ATP6V1B1: variants seen among roughly 807,000 people sequenced by gnomAD.
ATP6V1B1 encodes ATPase H+ transporting V1 subunit B1, also known as V-type proton ATPase subunit B, kidney isoform.
Under a neutral mutation model 62.1 loss-of-function variants are expected in ATP6V1B1, and 41 were observed. The ratio of observed to expected loss-of-function variants is 0.66; its 90% confidence interval spans 0.51 to 0.86. The LOEUF is 0.86. Among genes scored for constraint, ATP6V1B1 ranks in the 40% least tolerant of loss-of-function variants. The probability of loss-of-function intolerance (pLI) is 0.00; values close to 1 mark genes in which losing one functional copy is unlikely to be tolerated. For missense variants in ATP6V1B1, 651 were observed against 697.5 expected, an observed-to-expected ratio of 0.93 and a Z score of 0.75; for synonymous variants, 253 against 273.4, an observed-to-expected ratio of 0.93 and a Z score of 0.74.
chr2:70,944,083 G>A, intron 2 of ATP6V1B1: 1 of 1,292,844 alleles, frequency 7.7e-7, no homozygotes, highest in Non-Finnish European at 1.0e-6. Context: ...CTCCTCGAGG[G>A]CTAGACTCTC....
At position 70,964,088 on chromosome 2, in the gene ATP6V1B1, G is replaced by A. The variant is rs567805926; in HGVS notation, c.1144-350G>A. ...TGTGTAGGTTAAAGGTGACCTCTAT[G>A]ACGTTTTTCTCTTTGCTTGGCAGGT... On this transcript the variant is annotated intron_variant, in intron 11 of 13. Coordinates refer to ENST00000234396, the MANE Select transcript of ATP6V1B1 (RefSeq NM_001692.4). 316 of 299,822 alleles carry A rather than the reference G, an allele frequency of 1.1e-3. 1 individual carries two copies. Among genetic ancestry groups the A allele is most frequent in the Admixed American group, 1.6e-3 (27 of 17,114 alleles). 18.6% of individuals were successfully genotyped at this position (299,822 alleles called of 1,614,324 possible). A position where few individuals can be genotyped will look rare whatever the true frequency, so the allele number is the denominator to read the frequency against.
In ATP6V1B1 at chr2:70,963,653, A is replaced by T; in HGVS notation, c.1142A>T (p.Gln381Leu). The T allele has an allele frequency of 6.2e-7, 1 of 1,613,820 alleles. No individual in the cohort carries two copies. The highest frequency in any genetic ancestry group is 8.5e-7 in the Non-Finnish European group (1 of 1,179,680). The change falls in exon 11 of 14, where the codon CAG becomes CTG. Residue 381 changes from glutamine (Q) to leucine (L), a missense_variant and splice_region_variant. By Grantham distance (113) the Gln-to-Leu change is moderately radical. Coordinates refer to ENST00000234396, the MANE Select transcript of ATP6V1B1 (RefSeq NM_001692.4). The surrounding 1 kb of genome is among the most constrained non-coding windows in gnomAD (Gnocchi z 4.3). The part of the protein sequence containing the change: ...IYVDRQLHNR[Q>L]IYPPINVLPS... ...GTGGACAGACAGCTTCACAACAGAC[A>T]GGTACTGCCCTGTCCCTACCCACTT...
Position 70,959,096 on chromosome 2 carries a change from G to GA in ATP6V1B1, c.445+1_445+2insA. 1 of 1,614,126 alleles carries GA rather than the reference G, an allele frequency of 6.2e-7. No individual in the cohort carries two copies. The highest frequency in any genetic ancestry group is 8.5e-7 in the Non-Finnish European group (1 of 1,180,012). On this transcript the variant is annotated splice_donor_variant, in intron 5 of 13. Transcript: ENST00000234396. LOFTEE classifies it high-confidence loss of function. This position sits in a 1 kb window ranked among gnomAD's most constrained non-coding sequence, Gnocchi z 4.2. ...GCGGAGGACTTTCTGGATATCAATG[G>GA]TGAGTGACTGGAGGTTCTGGATGGC...
At chr2:70,941,691 T>C in intron 1 of ATP6V1B1, 2 of 972,956 alleles carry the variant, frequency 2.1e-6, no homozygotes, top group Non-Finnish European at 2.4e-6. Context: ...ATCCATGCAG[T>C]AGATATGCTT....
intron 1 of ATP6V1B1, chr2:70,941,822 G>A (rs1030910302): frequency 4.1e-6 from 4 of 985,808 alleles, no homozygotes; most frequent in African/African-American, 1.7e-5. Context: ...AGCGAGGAGT[G>A]TGAGTCTTCA....
chr2:70,949,553 A>G (rs1459978920), intron 2 of ATP6V1B1, among the ~76,000 whole-genome samples: 1 of 152,164 alleles, frequency 6.6e-6, no homozygotes, highest in Non-Finnish European at 1.5e-5. Flanking sequence ...CAGGTATGAG[A>G]GGACCCACTT....
rs1553419983 is a variant in ATP6V1B1 at position 70,961,019 on chromosome 2, G to A, written c.684G>A (p.Met228Ile). 1.9e-6 allele frequency: 3 copies of A among 1,580,990 alleles called. No homozygotes were observed. Among genetic ancestry groups the A allele is most frequent in the South Asian group, 1.2e-5 (1 of 86,280 alleles). The change falls in exon 7 of 14, where the codon ATG becomes ATA. Residue 228 changes from methionine (M) to isoleucine (I), a missense_variant. Met to Ile is a conservative substitution (Grantham distance 10). Coordinates refer to ENST00000234396, the MANE Select transcript of ATP6V1B1 (RefSeq NM_001692.4). ...DDNFAIVFAA[M>I]GVNMETARFF... Reference sequence around the variant, plus strand: ...ACTTCGCCATCGTCTTTGCAGCCATGGGGGTGAGGAGACTTAGTAGACTGG... The same window carrying A: ...ACTTCGCCATCGTCTTTGCAGCCATAGGGGTGAGGAGACTTAGTAGACTGG...
chr2:70,951,271 C>T (rs1680318397), intron 2 of ATP6V1B1, among the ~76,000 whole-genome samples: 2 of 152,066 alleles, frequency 1.3e-5, no homozygotes, highest in Admixed American at 6.5e-5. Context: ...GTACGCTAAG[C>T]TCAAGTACTT....
chr2:70,952,384 T>A (rs1199430550), intron 2 of ATP6V1B1, among the ~76,000 whole-genome samples: 1 of 151,282 alleles, frequency 6.6e-6, no homozygotes, highest in Non-Finnish European at 1.5e-5. Context: ...AATTGCTTGA[T>A]CCTGGGAGGC....
intron 1 of ATP6V1B1, chr2:70,938,712 G>C: frequency 1.0e-6 from 1 of 985,414 alleles, no homozygotes; most frequent in Non-Finnish European, 1.2e-6. Context: ...AGCTAGAATG[G>C]TTCCCCAAGG....
intron 1 of ATP6V1B1, among the ~76,000 whole-genome samples, chr2:70,939,082 G>C (rs10208707): frequency 0.024 from 3,650 of 152,342 alleles, 155 homozygotes; most frequent in African/African-American, 0.084. Flanking sequence ...GCTGCCCCGG[G>C]CTTGCCCCCA....
intron 2 of ATP6V1B1, among the ~76,000 whole-genome samples, chr2:70,955,331 C>A (rs782254112): frequency 5.3e-5 from 8 of 152,182 alleles, no homozygotes; most frequent in Non-Finnish European, 1.2e-4. Context: ...ATCTGGGACC[C>A]TGATGTGTTA....
intron 1 of ATP6V1B1, chr2:70,940,289 T>C (rs1679960549): frequency 2.4e-6 from 2 of 816,970 alleles, no homozygotes; most frequent in Non-Finnish European, 3.0e-6. Context: ...GCAGTGGAAT[T>C]AGAAATGATT....
At chr2:70,945,782 A>G (rs1383570598) in intron 2 of ATP6V1B1, among the ~76,000 whole-genome samples, 3 of 145,276 alleles carry the variant, frequency 2.1e-5, no homozygotes, top group African/African-American at 7.6e-5. Flanking sequence ...ATAGAACACT[A>G]GAACTTATTG....
intron 8 of ATP6V1B1, 72 bp from the exon 9 acceptor site, chr2:70,962,705 G>C (rs1046555019): frequency 1.2e-6 from 2 of 1,601,312 alleles, no homozygotes; most frequent in South Asian, 2.2e-5. Flanking sequence ...TTCACCTTGC[G>C]CTCAGCCCCC....
At chr2:70,961,313 C>T (rs1680582142) in intron 7 of ATP6V1B1, among the ~76,000 whole-genome samples, 1 of 152,160 alleles carries the variant, frequency 6.6e-6, no homozygotes, top group Non-Finnish European at 1.5e-5. Context: ...GTGGGCAGAG[C>T]AGCAGCTGGC....
At position 70,959,480 on chromosome 2, in the gene ATP6V1B1, G is replaced by C. The variant is rs1312085807; in HGVS notation, c.445+385G>C. On this transcript the variant is annotated intron_variant, in intron 5 of 13. Transcript: ENST00000234396. This position sits in a 1 kb window ranked among gnomAD's most constrained non-coding sequence, Gnocchi z 4.2. ...ACTGGGAGGCCTGTGGGAGCCCGTGGCTTGCCCTACGCCACACAGAAAGTC... is the reference window on the plus strand; with the variant it reads ...ACTGGGAGGCCTGTGGGAGCCCGTGCCTTGCCCTACGCCACACAGAAAGTC... 2.0e-5 allele frequency among the ~76,000 whole-genome samples: 3 copies of C among 152,204 alleles called. No homozygotes were observed. Among genetic ancestry groups the C allele is most frequent in the Admixed American group, 2.0e-4 (3 of 15,284 alleles).
Position 70,965,203 on chromosome 2 carries a change from G to A in ATP6V1B1, c.*82G>A. The A allele has an allele frequency of 2.5e-6, 4 of 1,572,716 alleles. No homozygotes were observed. Among genetic ancestry groups the A allele is most frequent in the Admixed American group, 1.7e-5 (1 of 58,604 alleles). ...CTCCCCTCCCTCGCCACCCCAACCA[G>A]CGGCTTCTGCGCCGCCCTCCGCCCT... On this transcript the variant is annotated 3_prime_UTR_variant, in exon 14 of 14. Coordinates refer to ENST00000234396, the MANE Select transcript of ATP6V1B1 (RefSeq NM_001692.4).
At chr2:70,944,105 C>T in intron 2 of ATP6V1B1, 3 of 1,283,964 alleles carry the variant, frequency 2.3e-6, no homozygotes, top group Non-Finnish European at 3.0e-6. Context: ...CCACCCTCGA[C>T]TCTCACAGGA....
Sources: allele counts gnomAD v4.1 joint callset (sites outside exome capture counted in the v4.1 genomes callset), GRCh38; gene constraint gnomAD v4.1.1; non-coding constraint Gnocchi (gnomAD v3.1); transcripts MANE v1.5; gene names NCBI Gene and HGNC (gene_info 2026-07-23, HGNC 2026-07-21).